The following CCDC158 variants were observed in gnomAD, a reference collection of about 807,000 sequenced individuals.
The protein encoded by CCDC158 is coiled-coil domain containing 158, also known as coiled-coil domain-containing protein 158.
CCDC158 carries 116 observed loss-of-function variants against 138.6 expected under a neutral mutation model. The ratio of observed to expected loss-of-function variants is 0.84; its 90% CI spans 0.72 to 0.98. CCDC158 has a LOEUF of 0.98. Among genes scored for constraint, CCDC158 ranks in the 50% least tolerant of loss-of-function variants. CCDC158 has a pLI of 0.00. For synonymous variants in CCDC158, 436 were observed against 442.4 expected (o/e 0.99, Z 0.18); for missense variants, 1,265 against 1,306.1 (o/e 0.97, Z 0.48).
At chr4:76,400,022 A>G (rs1357435752) in intron 3 of CCDC158, among the ~76,000 whole-genome samples, 1 of 152,140 alleles carries the variant, frequency 6.6e-6, no homozygotes, top group Non-Finnish European at 1.5e-5. Flanking sequence ...TAGGGCTTCT[A>G]TTTTCTCTAG....
At chr4:76,325,759 G>T in intron 23 of CCDC158, 98 bp downstream of exon 23, 1 of 977,388 alleles carries the variant, frequency 1.0e-6, no homozygotes, top group Non-Finnish European at 1.5e-6. Context: ...TTACACATAA[G>T]AGCAGCATGC....
At chr4:76,386,256 C>T (rs1010599897) in intron 4 of CCDC158, among the ~76,000 whole-genome samples, 1 of 127,404 alleles carries the variant, frequency 7.8e-6, no homozygotes, top group Admixed American at 8.4e-5. Context: ...AGAAGAGCAC[C>T]ATCATAAGAA....
intron 16 of CCDC158, 101 bp from the exon 17 acceptor site, chr4:76,351,913 C>T: frequency 4.3e-6 from 3 of 695,588 alleles, no homozygotes; most frequent in South Asian, 3.6e-5. Flanking sequence ...AAAAAATCTT[C>T]CTGCCCTTCT....
chr4:76,366,006 C>T (rs1325675401), intron 12 of CCDC158, among the ~76,000 whole-genome samples: 6 of 152,190 alleles, frequency 3.9e-5, no homozygotes, highest in Non-Finnish European at 1.5e-5. Flanking sequence ...ATAATAGTGC[C>T]TCCCTCATAA....
At position 76,355,442 on chromosome 4, in the gene CCDC158, A is replaced by G. The variant is rs1286853427; in HGVS notation, c.2174-6T>C. The G allele has an allele frequency of 2.5e-6, 4 of 1,584,402 alleles. No individual in the cohort carries two copies. Among genetic ancestry groups the G allele is most frequent in the Admixed American group, 3.4e-5 (2 of 59,664 alleles). On this transcript the variant is annotated splice_polypyrimidine_tract_variant and splice_region_variant and intron_variant, in intron 14 of 24. Transcript: ENST00000682701. ...CCCCATTGCCACTTTCATAGCTGGA[A>G]AAAAAAAAGAGGCAAACTATGCCTT...
chr4:76,396,806 T>C (rs1366852974), intron 3 of CCDC158, among the ~76,000 whole-genome samples: 2 of 152,188 alleles, frequency 1.3e-5, no homozygotes, highest in African/African-American at 4.8e-5. Flanking sequence ...GTGCTGGGAT[T>C]ACAGGCATGA....
intron 20 of CCDC158, among the ~76,000 whole-genome samples, chr4:76,332,170 G>T (rs2110103939): frequency 6.6e-6 from 1 of 152,110 alleles, no homozygotes; most frequent in African/African-American, 2.4e-5. Context: ...TTCCATTTTT[G>T]ATATGGCATA....
At chr4:76,397,211 G>GAAAA (rs375388366) in intron 3 of CCDC158, among the ~76,000 whole-genome samples, 3,917 of 146,452 alleles carry the variant, frequency 0.027, 167 homozygotes, top group African/African-American at 0.093. Flanking sequence ...CTTAATTTTG[G>GAAAA]AAAAAAAAAA....
At chr4:76,358,624 A>G (rs922889471) in intron 13 of CCDC158, among the ~76,000 whole-genome samples, 4 of 152,046 alleles carry the variant, frequency 2.6e-5, no homozygotes, top group Non-Finnish European at 5.9e-5. Flanking sequence ...CTCTGCCTGG[A>G]ATGTCCCTTG....
intron 23 of CCDC158, among the ~76,000 whole-genome samples, chr4:76,324,761 C>T (rs1720369777): frequency 6.6e-6 from 1 of 152,056 alleles, no homozygotes; most frequent in Non-Finnish European, 1.5e-5. Flanking sequence ...CCTTGTACGG[C>T]AGGTAGCAAG....
rs1724228292 is a variant in CCDC158, at chr4:76,362,317, T to C, written c.1831-2A>G. The C allele has an allele frequency of 6.2e-7, 1 of 1,602,274 alleles. No homozygotes were observed. The highest frequency in any genetic ancestry group is 1.3e-5 in the African/African-American group (1 of 74,332). ...TGCATCTTTTTTATCTTTTAATATC[T>C]AAATATATGGATAAATACAAAGGAT... On this transcript the variant is annotated splice_acceptor_variant, in intron 12 of 24. Transcript: ENST00000682701. LOFTEE classifies it high-confidence loss of function.
Position 76,382,936 on chromosome 4 carries a change from T to A in CCDC158, c.804-216A>T, listed in dbSNP as rs183588341. 8.0e-3 allele frequency among the ~76,000 whole-genome samples: 1,212 copies of A among 152,354 alleles called. 13 individuals are homozygous for A. Among genetic ancestry groups the A allele is most frequent in the African/African-American group, 0.028 (1,145 of 41,578 alleles). On this transcript the variant is annotated intron_variant, in intron 7 of 24. Transcript: ENST00000682701. ...AGTTTTGGAATTCAGAATTTTTTTT[T>A]ATTTTACAATGGTAATAAATTGCAA... is the stretch of plus-strand genomic sequence containing the variant.
intron 12 of CCDC158, among the ~76,000 whole-genome samples, chr4:76,363,273 C>G (rs1724329745): frequency 6.6e-6 from 1 of 152,166 alleles, no homozygotes; most frequent in South Asian, 2.1e-4. Context: ...GTCACGGTGT[C>G]TTGCTGGGGC....
chr4:76,417,834 C>T (rs1000690275), intron 1 of CCDC158, among the ~76,000 whole-genome samples: 11 of 152,084 alleles, frequency 7.2e-5, no homozygotes, highest in African/African-American at 2.7e-4. Context: ...AAAAGAAATG[C>T]CATCACAAAG....
At chr4:76,418,241 G>A (rs1025674187) in intron 1 of CCDC158, among the ~76,000 whole-genome samples, 20 of 152,294 alleles carry the variant, frequency 1.3e-4, no homozygotes, top group African/African-American at 4.6e-4. Flanking sequence ...AAGTAGGCCA[G>A]TCATTAAAAG....
At chr4:76,334,643 T>C (rs1166965440) in intron 18 of CCDC158, among the ~76,000 whole-genome samples, 3 of 152,202 alleles carry the variant, frequency 2.0e-5, no homozygotes, top group Non-Finnish European at 1.5e-5. Context: ...ATTTTCAAAC[T>C]GTGTTAGTTG....
intron 3 of CCDC158, among the ~76,000 whole-genome samples, chr4:76,397,556 C>A (rs367548607): frequency 6.6e-6 from 1 of 152,176 alleles, no homozygotes; most frequent in Admixed American, 6.5e-5. Flanking sequence ...GCCTTAGTTA[C>A]TTAGTAAGTT....
intron 1 of CCDC158, among the ~76,000 whole-genome samples, chr4:76,416,777 G>T (rs10212804): frequency 0.029 from 4,462 of 152,324 alleles, 219 homozygotes; most frequent in African/African-American, 0.1. Flanking sequence ...CTGCCTAGAT[G>T]TCAGATGTAT....
rs780901845 is a variant in CCDC158, at chr4:76,403,253, T to C, written c.-46A>G. On this transcript the variant is annotated 5_prime_UTR_variant, in exon 3 of 25. Coordinates refer to ENST00000682701, the MANE Select transcript of CCDC158 (RefSeq NM_001394954.1). ...ATTAGAGATCTTGAAGTATGAATGG[T>C]TCCCTCTTTGGTTCTTTTGGTTCCT... 9.7e-6 allele frequency: 13 copies of C among 1,340,894 alleles called. No homozygotes were observed. In the African/African-American group the frequency reaches 1.9e-4, roughly 20 times the overall value. 83.1% of individuals were successfully genotyped at this position (1,340,894 alleles called of 1,614,324 possible).
Sources: allele counts gnomAD v4.1 joint callset (sites outside exome capture counted in the v4.1 genomes callset), GRCh38; gene constraint gnomAD v4.1.1; transcripts MANE v1.5; gene names NCBI Gene and HGNC (gene_info 2026-07-23, HGNC 2026-07-21).